CDH11: variants seen among roughly 807,000 people sequenced by gnomAD.
The protein encoded by CDH11 is cadherin 11.
CDH11 carries 11 observed loss-of-function variants against 67.8 expected under a neutral mutation model. That is an observed-to-expected ratio of 0.16 (90% confidence interval 0.10 to 0.27). The LOEUF (loss-of-function observed/expected upper bound fraction) is 0.27, where lower values mean the gene tolerates loss of function less well. Ranked by LOEUF, CDH11 falls within the 10% of genes least tolerant of loss-of-function variation. The pLI, the probability that CDH11 is intolerant of heterozygous loss-of-function variation, is 1.00. For missense variants in CDH11, 847 were observed against 1,031.2 expected, an observed-to-expected ratio of 0.82 and a Z score of 2.45; for synonymous variants, 419 against 400.0, an observed-to-expected ratio of 1.05 and a Z score of -0.57.
intron 1 of CDH11, among the ~76,000 whole-genome samples, chr16:65,119,882 A>G (rs1284443335): frequency 6.6e-6 from 1 of 152,166 alleles, no homozygotes; most frequent in Admixed American, 6.5e-5. Context: ...CCTGGTCTCT[A>G]CTGAAAAGCA....
At chr16:65,038,136 G>A (rs2073790567) in intron 2 of CDH11, among the ~76,000 whole-genome samples, 1 of 152,074 alleles carries the variant, frequency 6.6e-6, no homozygotes, top group Admixed American at 6.6e-5. Flanking sequence ...ACTCCGGGAA[G>A]ATCTAATTTT....
At chr16:65,074,512 T>C (rs1386815385) in intron 1 of CDH11, among the ~76,000 whole-genome samples, 1 of 152,102 alleles carries the variant, frequency 6.6e-6, no homozygotes, top group Non-Finnish European at 1.5e-5. Context: ...CATATATATA[T>C]ACACACACAC....
At chr16:65,099,471 G>A (rs1451179644) in intron 1 of CDH11, among the ~76,000 whole-genome samples, 1 of 152,130 alleles carries the variant, frequency 6.6e-6, no homozygotes, top group Non-Finnish European at 1.5e-5. Context: ...GTAACTCAAG[G>A]AAGGTAGTCT....
chr16:65,069,528 G>A (rs2074378590), intron 1 of CDH11, among the ~76,000 whole-genome samples: 1 of 152,160 alleles, frequency 6.6e-6, no homozygotes. Flanking sequence ...CATCTAAAGT[G>A]AGCTTGGGTA....
chr16:64,988,239 T>C lies in CDH11; in HGVS notation c.917A>G (p.Asn306Ser), dbSNP rs878919745. 1.2e-6 allele frequency: 2 copies of C among 1,613,556 alleles called. No homozygotes were observed. Among genetic ancestry groups the C allele is most frequent in the African/African-American group, 1.3e-5 (1 of 74,896 alleles). The change falls in exon 7 of 13, where the codon AAT becomes AGT. Residue 306 changes from asparagine to serine, a missense_variant. Around this residue, in one of 2 missense-constraint regions of CDH11, gnomAD observed 612 missense variants for 678.7 expected, o/e 0.90. Coordinates refer to ENST00000268603, the MANE Select transcript of CDH11 (RefSeq NM_001797.4). ...DIGENGLVTYNIVDGDGMESF... is the reference protein window; with the variant it reads ...DIGENGLVTYSIVDGDGMESF... ...TTCCATACCATCTCCATCAACAATA[T>C]TGTATGTGACTAAGCCATTTTCTCC...
chr16:64,962,444 G>A (rs1371182212), intron 11 of CDH11, among the ~76,000 whole-genome samples: 1 of 152,066 alleles, frequency 6.6e-6, no homozygotes, highest in African/African-American at 2.4e-5. Flanking sequence ...GAACCAACAA[G>A]CAAAAACTTC....
At chr16:65,060,354 TAG>T (rs199842037) in intron 1 of CDH11, among the ~76,000 whole-genome samples, 14,654 of 144,924 alleles carry the variant, frequency 0.1, 1,334 homozygotes, top group African/African-American at 0.26. Context: ...TATATATATA[TAG>T]AGAGAGAGAG....
chr16:65,111,588 AAAG>A (rs2075157564), intron 1 of CDH11, among the ~76,000 whole-genome samples: 1 of 152,078 alleles, frequency 6.6e-6, no homozygotes, highest in South Asian at 2.1e-4. Context: ...GGCTGCAATA[AAAG>A]AAGTGTGTAG....
chr16:65,004,669 G>A lies in CDH11; in HGVS notation c.201C>T (p.Thr67=), dbSNP rs377458530. The change falls in exon 3 of 13, where the codon ACC becomes ACT. Residue 67 remains threonine (T), a synonymous_variant. Transcript: ENST00000268603. The part of the protein sequence containing the change: ...WNQFFVIEEY[T]GPDPVLVGRL... ...TGCCCACAAGCACGGGGTCAGGCCC[G>A]GTGTACTCCTCTATCACGAAGAACT... The A allele has an allele frequency of 2.0e-5, 33 of 1,613,348 alleles. No homozygotes were observed. The highest frequency in any genetic ancestry group is 6.7e-5 in the East Asian group (3 of 44,814).
At chr16:64,954,666 G>A (rs2071455775) in intron 11 of CDH11, among the ~76,000 whole-genome samples, 1 of 152,160 alleles carries the variant, frequency 6.6e-6, no homozygotes, top group Non-Finnish European at 1.5e-5. Context: ...TGTGTTGCTT[G>A]AGTCAATAAA....
At chr16:65,011,014 T>TG (rs771945746) in intron 2 of CDH11, among the ~76,000 whole-genome samples, 1 of 147,436 alleles carries the variant, frequency 6.8e-6, no homozygotes, top group Admixed American at 6.8e-5. Context: ...TGTATATATA[T>TG]GTGTATATAT....
chr16:65,113,610 A>G (rs1392073122), intron 1 of CDH11, among the ~76,000 whole-genome samples: 1 of 152,174 alleles, frequency 6.6e-6, no homozygotes, highest in East Asian at 1.9e-4. Context: ...CACGTGGTAA[A>G]GCGGGCAGTG....
intron 11 of CDH11, among the ~76,000 whole-genome samples, chr16:64,966,034 A>T (rs2071817097): frequency 6.6e-6 from 1 of 152,178 alleles, no homozygotes; most frequent in Non-Finnish European, 1.5e-5. Context: ...TGGCAGTGGT[A>T]TGCTTAAAAA....
At chr16:65,036,758 A>T (rs551528040) in intron 2 of CDH11, among the ~76,000 whole-genome samples, 24 of 152,186 alleles carry the variant, frequency 1.6e-4, no homozygotes, top group Admixed American at 2.6e-4. Context: ...CCAAGGTGGT[A>T]TCATAGGTAA....
chr16:64,976,718 G>C (rs1273132660), intron 8 of CDH11, among the ~76,000 whole-genome samples: 2 of 152,144 alleles, frequency 1.3e-5, no homozygotes, highest in Non-Finnish European at 2.9e-5. Context: ...AATTAGCTGG[G>C]CATGGTGGCA....
At chr16:65,077,562 A>G (rs1192563161) in intron 1 of CDH11, among the ~76,000 whole-genome samples, 1 of 152,238 alleles carries the variant, frequency 6.6e-6, no homozygotes, top group Non-Finnish European at 1.5e-5. Flanking sequence ...CAAGTGCTGC[A>G]TCACATCTCA....
chr16:65,029,152 T>A (rs1203929431), intron 2 of CDH11, among the ~76,000 whole-genome samples: 1 of 152,172 alleles, frequency 6.6e-6, no homozygotes, highest in East Asian at 1.9e-4. Flanking sequence ...AAAATCTTCC[T>A]TCTGAGAAGA....
At chr16:65,068,991 A>G (rs975143180) in intron 1 of CDH11, among the ~76,000 whole-genome samples, 1 of 152,242 alleles carries the variant, frequency 6.6e-6, no homozygotes, top group Non-Finnish European at 1.5e-5. Context: ...AAAATAGAGC[A>G]TTAGGCTGAC....
At chr16:65,103,970 T>G (rs2075031027) in intron 1 of CDH11, among the ~76,000 whole-genome samples, 1 of 152,186 alleles carries the variant, frequency 6.6e-6, no homozygotes, top group Non-Finnish European at 1.5e-5. Context: ...ATTTGACTGC[T>G]AGAACATTTT....
Sources: gnomAD v4.1 joint callset for allele counts (sites outside exome capture counted in the v4.1 genomes callset) on GRCh38, gnomAD v4.1.1 for gene constraint, gnomAD v4.1.1 regional missense constraint, MANE v1.5 for transcripts, NCBI Gene and HGNC (gene_info 2026-07-23, HGNC 2026-07-21) for gene names.